Variants in TRAPPC9 observed in about 807,000 individuals in gnomAD.
TRAPPC9 encodes IKK2 binding protein.
TRAPPC9 carries 83 observed loss-of-function variants against 124.0 expected under a neutral mutation model. The ratio of observed to expected loss-of-function variants is 0.67; its 90% CI spans 0.56 to 0.80. The LOEUF (loss-of-function observed/expected upper bound fraction) is 0.80. Ranked by LOEUF, TRAPPC9 falls within the 30% of genes least tolerant of loss-of-function variation. The pLI is 0.00. For synonymous variants in TRAPPC9, 638 were observed against 617.5 expected, an observed-to-expected ratio of 1.03 and a Z score of -0.49; for missense variants, 1,302 against 1,508.3, an observed-to-expected ratio of 0.86 and a Z score of 2.27.
chr8:140,215,874 G>T (rs1183770597), intron 17 of TRAPPC9: 2 of 152,206 alleles, frequency 1.3e-5, no homozygotes, highest in African/African-American at 2.4e-5. Flanking sequence ...CGCTAAAGCC[G>T]TGGAGGAGGG....
At chr8:140,078,152 C>T (rs374454682) in intron 17 of TRAPPC9, among the ~76,000 whole-genome samples, 11 of 152,216 alleles carry the variant, frequency 7.2e-5, no homozygotes, top group Non-Finnish European at 1.3e-4. Flanking sequence ...CTGTTCCAAA[C>T]CATCTCTTCA....
At chr8:139,884,846 T>A (rs1829898065) in intron 21 of TRAPPC9, among the ~76,000 whole-genome samples, 1 of 152,290 alleles carries the variant, frequency 6.6e-6, no homozygotes, top group Middle Eastern at 3.4e-3. Flanking sequence ...ATAGCCGCCA[T>A]GACGGTGCCC....
intron 18 of TRAPPC9, among the ~76,000 whole-genome samples, chr8:140,000,397 T>C (rs1031819122): frequency 1.3e-5 from 2 of 152,126 alleles, no homozygotes; most frequent in African/African-American, 4.8e-5. Context: ...CTAATTAAAC[T>C]AAAGAGCTTC....
chr8:140,430,936 G>A (rs1054915050), intron 4 of TRAPPC9, among the ~76,000 whole-genome samples: 4 of 152,040 alleles, frequency 2.6e-5, no homozygotes, highest in South Asian at 2.1e-4. Flanking sequence ...CACCATGCCC[G>A]GCAGAGAATG....
At chr8:140,444,689 C>CCCG (rs562446570) in intron 2 of TRAPPC9, among the ~76,000 whole-genome samples, 279 of 151,910 alleles carry the variant, frequency 1.8e-3, no homozygotes, top group Middle Eastern at 6.8e-3. Context: ...GGTGAGACCC[C>CCCG]CCCCATCTCT....
rs556710431 is a variant in TRAPPC9, at chr8:140,195,367, T to A, written c.2556+26092A>T. On this transcript the variant is annotated intron_variant, in intron 17 of 22. Transcript: ENST00000438773. ...CACACTCAATGATCCACTGTACAGA[T>A]CACACCTGTGATACTAAAACACTCA... Among the ~76,000 whole-genome samples, 50 of 151,946 alleles carry A rather than the reference T, an allele frequency of 3.3e-4. 1 individual carries two copies. Among genetic ancestry groups the A allele is most frequent in the African/African-American group, 1.1e-3 (46 of 41,354 alleles).
intron 2 of TRAPPC9, among the ~76,000 whole-genome samples, chr8:140,444,211 CA>C (rs35984317): frequency 0.024 from 1,611 of 66,656 alleles, 21 homozygotes; most frequent in African/African-American, 0.066. Context: ...GACTCTGTCT[CA>C]AAAAAAAAAA....
chr8:140,168,191 C>T (rs1299002130), intron 17 of TRAPPC9, among the ~76,000 whole-genome samples: 1 of 152,188 alleles, frequency 6.6e-6, no homozygotes, highest in African/African-American at 2.4e-5. Context: ...ATTTTGTCAT[C>T]ACGTACTTTG....
chr8:139,878,491 T>G (rs1217198256), intron 21 of TRAPPC9, among the ~76,000 whole-genome samples: 34 of 69,602 alleles, frequency 4.9e-4, no homozygotes, highest in African/African-American at 1.3e-3. Context: ...AACTCATATT[T>G]GAACCTGGGG....
chr8:140,048,425 C>T (rs62527055), intron 17 of TRAPPC9, among the ~76,000 whole-genome samples: 1 of 152,014 alleles, frequency 6.6e-6, no homozygotes, highest in Admixed American at 6.5e-5. Context: ...GTAGGAAAGT[C>T]GGGGTGAGGG....
intron 20 of TRAPPC9, among the ~76,000 whole-genome samples, chr8:139,888,799 C>A (rs1477970008): frequency 3.3e-5 from 5 of 152,186 alleles, no homozygotes; most frequent in African/African-American, 1.2e-4. Flanking sequence ...TGTGACAATC[C>A]TGGAAGTTCG....
intron 5 of TRAPPC9, among the ~76,000 whole-genome samples, chr8:140,409,408 A>G (rs1302678758): frequency 3.3e-5 from 5 of 152,200 alleles, no homozygotes; most frequent in Non-Finnish European, 7.3e-5. Flanking sequence ...ATCTAGTAAC[A>G]CTACATTTAT....
intron 21 of TRAPPC9, among the ~76,000 whole-genome samples, chr8:139,791,418 C>T (rs1358642176): frequency 6.6e-6 from 1 of 151,008 alleles, no homozygotes. Context: ...CACACACACA[C>T]TCACACAGGT....
intron 19 of TRAPPC9, among the ~76,000 whole-genome samples, chr8:139,958,423 G>T (rs921749133): frequency 6.6e-6 from 1 of 152,086 alleles, no homozygotes; most frequent in African/African-American, 2.4e-5. Flanking sequence ...AGTCTTTGCC[G>T]ACCCCAGTTT....
chr8:140,377,922 T>C (rs1031974475), intron 7 of TRAPPC9, among the ~76,000 whole-genome samples: 2 of 151,738 alleles, frequency 1.3e-5, no homozygotes, highest in African/African-American at 4.8e-5. Context: ...ATCACGCCAC[T>C]GCACTCCAGC....
intron 21 of TRAPPC9, among the ~76,000 whole-genome samples, chr8:139,735,800 C>T (rs1818124163): frequency 6.6e-6 from 1 of 152,120 alleles, no homozygotes; most frequent in South Asian, 2.1e-4. Context: ...CTGTACAACC[C>T]CTTGGGAAGA....
At chr8:139,971,816 T>TATATACAC (rs5895629) in intron 19 of TRAPPC9, among the ~76,000 whole-genome samples, 1 of 145,758 alleles carries the variant, frequency 6.9e-6, no homozygotes, top group African/African-American at 2.5e-5. Flanking sequence ...TATATATATA[T>TATATACAC]ACACACACAC....
intron 17 of TRAPPC9, among the ~76,000 whole-genome samples, chr8:140,190,349 T>A (rs2062462142): frequency 6.6e-6 from 1 of 152,016 alleles, no homozygotes; most frequent in Admixed American, 6.5e-5. Flanking sequence ...TCCCAGCTAC[T>A]CGGGAGGCTG....
chr8:140,409,281 C>T (rs2069608864), intron 5 of TRAPPC9, among the ~76,000 whole-genome samples: 1 of 151,598 alleles, frequency 6.6e-6, no homozygotes, highest in Admixed American at 6.6e-5. Flanking sequence ...ATCTAGTTGG[C>T]AAAAATGTTA....
Sources: allele counts gnomAD v4.1 joint callset (sites outside exome capture counted in the v4.1 genomes callset), GRCh38; gene constraint gnomAD v4.1.1; transcripts MANE v1.5; gene names NCBI Gene and HGNC (gene_info 2026-07-23, HGNC 2026-07-21).